Variants in TMEM67 observed in about 807,000 individuals in gnomAD.
TMEM67 encodes meckelin.
TMEM67 carries 124 observed loss-of-function variants against 136.6 expected under a neutral mutation model. That is an observed-to-expected ratio of 0.91 (90% CI 0.78 to 1.05). The LOEUF (loss-of-function observed/expected upper bound fraction) is 1.05, where lower values mean the gene tolerates loss of function less well. TMEM67 is among the 50% of genes least tolerant of loss of function. TMEM67 has a pLI of 0.00. For missense variants in TMEM67, 1,107 were observed against 1,178.4 expected, an observed-to-expected ratio of 0.94 and a Z score of 0.89; for synonymous variants, 364 against 390.5, an observed-to-expected ratio of 0.93 and a Z score of 0.80.
the TMEM67 span, among the ~76,000 whole-genome samples, chr8:93,826,281 C>T: frequency 6.6e-6 from 1 of 151,844 alleles, no homozygotes; most frequent in Non-Finnish European, 1.5e-5. Context: ...AGGCGCCCAC[C>T]ACCGCGCGTG....
chr8:93,795,105 G>C (rs1296297143), intron 16 of TMEM67: 2 of 436,168 alleles, frequency 4.6e-6, no homozygotes, highest in Admixed American at 7.6e-5. Context: ...GTAGTGTGGA[G>C]GAGAGATTAG....
At chr8:93,809,712 C>A in intron 25 of TMEM67, 73 bp from the exon 26 acceptor site, 1 of 884,576 alleles carries the variant, frequency 1.1e-6, no homozygotes, top group Non-Finnish European at 1.9e-6. Flanking sequence ...TTCTCTCCTG[C>A]TGATTTTACA....
At chr8:93,781,862 T>A in intron 10 of TMEM67, 118 bp downstream of exon 10, 1 of 540,808 alleles carries the variant, frequency 1.8e-6, no homozygotes, top group Middle Eastern at 4.3e-4. Flanking sequence ...GTTGATTTTT[T>A]TTCTGATGCT....
chr8:93,802,601 C>G (rs145198614), intron 21 of TMEM67, among the ~76,000 whole-genome samples: 1 of 152,152 alleles, frequency 6.6e-6, no homozygotes, highest in Non-Finnish European at 1.5e-5. Context: ...CTTTAACAAC[C>G]TGTTACAGTT....
At chr8:93,757,376 G>A (rs960024132) in intron 2 of TMEM67, among the ~76,000 whole-genome samples, 4 of 152,070 alleles carry the variant, frequency 2.6e-5, no homozygotes, top group Admixed American at 6.5e-5. Flanking sequence ...GGTGGCTCAC[G>A]CCTGTAATCC....
intron 7 of TMEM67, among the ~76,000 whole-genome samples, chr8:93,776,091 A>G (rs1045476773): frequency 6.6e-6 from 1 of 152,096 alleles, no homozygotes. Context: ...TTGGATTCCT[A>G]GGTATTTTAT....
Position 93,755,817 on chromosome 8 carries a change from CTAA to C in TMEM67, c.268_270del (p.Asn90del). On this transcript the variant is annotated inframe_deletion, in exon 2 of 28. Coordinates refer to ENST00000453321, the MANE Select transcript of TMEM67 (RefSeq NM_153704.6). Reference sequence around the variant, plus strand: ...TGTCTACCAGGATTTCAGATGATCTCTAATAATGGAGGACCTGCTATTATTTGT... The same window carrying C: ...TGTCTACCAGGATTTCAGATGATCTCTAATGGAGGACCTGCTATTATTTGT... The C allele has an allele frequency of 1.5e-6, 2 of 1,314,652 alleles. No individual in the cohort carries two copies. 81.4% of individuals were successfully genotyped at this position (1,314,652 alleles called of 1,614,324 possible). A position where few individuals can be genotyped will look rare whatever the true frequency, so the allele number is the denominator to read the frequency against.
chr8:93,797,536 T>C, intron 20 of TMEM67, 66 bp downstream of exon 20: 2 of 1,484,038 alleles, frequency 1.3e-6, no homozygotes, highest in Non-Finnish European at 1.9e-6. Context: ...ACTAATATAA[T>C]TCCAACTAAG....
intron 7 of TMEM67, among the ~76,000 whole-genome samples, chr8:93,773,309 G>A (rs924644471): frequency 2.6e-5 from 4 of 152,152 alleles, no homozygotes; most frequent in African/African-American, 9.7e-5. Flanking sequence ...GTGGAGATGA[G>A]GTCAGGGATG....
At chr8:93,773,394 A>C (rs892050268) in intron 7 of TMEM67, among the ~76,000 whole-genome samples, 8 of 152,208 alleles carry the variant, frequency 5.3e-5, no homozygotes, top group Admixed American at 4.6e-4. Context: ...GGAAGACATG[A>C]TAGAACTTCA....
chr8:93,805,091 G>A (rs1027804614), intron 23 of TMEM67, among the ~76,000 whole-genome samples: 1 of 152,048 alleles, frequency 6.6e-6, no homozygotes, highest in Non-Finnish European at 1.5e-5. Context: ...TCCCGTCTCA[G>A]CTTCCTGAGC....
At chr8:93,822,206 G>A (rs553590057), downstream of TMEM67, among the ~76,000 whole-genome samples, 2 of 152,298 alleles carry the variant, frequency 1.3e-5, no homozygotes, top group South Asian at 2.1e-4. Flanking sequence ...TCCCTCAAAA[G>A]AAGGTTTCCA....
chr8:93,811,886 A>G (rs1004653311), intron 26 of TMEM67, among the ~76,000 whole-genome samples: 64 of 152,132 alleles, frequency 4.2e-4, no homozygotes, highest in East Asian at 1.2e-3. Context: ...GCGGTGGCTC[A>G]TGCCTGTAAT....
chr8:93,788,135 G>A (rs776373299), intron 14 of TMEM67, among the ~76,000 whole-genome samples, 186 bp downstream of exon 14: 1 of 151,840 alleles, frequency 6.6e-6, no homozygotes, highest in Non-Finnish European at 1.5e-5. Flanking sequence ...TATGGATCCT[G>A]AGTATAAAAA....
chr8:93,815,401 G>A lies in TMEM67; in HGVS notation c.2861G>A (p.Cys954Tyr), dbSNP rs537935631. The A allele has an allele frequency of 2.5e-6, 4 of 1,612,874 alleles. No homozygotes were observed. The South Asian group carries it at 3.3e-5, about 13-fold the overall frequency. The change falls in exon 27 of 28, where the codon TGC becomes TAC. Residue 954 changes from cysteine to tyrosine, a missense_variant. Physicochemically the swap from Cys to Tyr is radical, Grantham distance 194. Transcript: ENST00000453321. The part of the protein sequence containing the change: ...LLFFCVVDLA[C>Y]QNFILASFLT... ...TTCTTCTGTGTTGTGGATTTGGCTT[G>A]CCAAAATTTTATTTTAGCATCCTTC...
intron 2 of TMEM67, among the ~76,000 whole-genome samples, chr8:93,757,420 G>A (rs987964432): frequency 1.3e-5 from 2 of 151,906 alleles, no homozygotes; most frequent in Non-Finnish European, 2.9e-5. Flanking sequence ...GGTGGATCAC[G>A]AGGTCAAGAG....
chr8:93,766,495 T>A (rs1258538014), intron 6 of TMEM67, among the ~76,000 whole-genome samples: 3 of 152,142 alleles, frequency 2.0e-5, no homozygotes, highest in Non-Finnish European at 4.4e-5. Context: ...TGATAACCAC[T>A]TCTAGGGTAT....
chr8:93,800,380 C>T (rs1031557613), intron 21 of TMEM67, among the ~76,000 whole-genome samples: 1 of 152,000 alleles, frequency 6.6e-6, no homozygotes, highest in African/African-American at 2.4e-5. Flanking sequence ...ATACAGTGTT[C>T]ACAGAATGCA....
At chr8:93,774,397 A>G (rs1813448892) in intron 7 of TMEM67, among the ~76,000 whole-genome samples, 1 of 152,208 alleles carries the variant, frequency 6.6e-6, no homozygotes, top group Admixed American at 6.5e-5. Flanking sequence ...GTTCTAGGGT[A>G]CATGTGCACA....
Sources: allele counts gnomAD v4.1 joint callset (sites outside exome capture counted in the v4.1 genomes callset), GRCh38; gene constraint gnomAD v4.1.1; transcripts MANE v1.5; gene names NCBI Gene and HGNC (gene_info 2026-07-23, HGNC 2026-07-21).